The following DLGAP2 variants were observed in gnomAD, a reference collection of about 807,000 sequenced individuals.
The protein encoded by DLGAP2 is DLG associated protein 2, also known as disks large-associated protein 2.
A neutral mutation model predicts 100.3 loss-of-function variants in DLGAP2; 26 were observed. The ratio of observed to expected loss-of-function variants is 0.26; its 90% CI spans 0.19 to 0.36. The LOEUF (loss-of-function observed/expected upper bound fraction) is 0.36, where lower values mean the gene tolerates loss of function less well. Among genes scored for constraint, DLGAP2 ranks in the 10% least tolerant of loss-of-function variants. DLGAP2 has a pLI of 1.00. For missense variants in DLGAP2, 1,858 were observed against 1,453.2 expected (o/e 1.28, Z -4.53); for synonymous variants, 886 against 630.1 (o/e 1.41, Z -6.08).
In DLGAP2 at chr8:837,724, A is replaced by G. The variant is rs1345248756; in HGVS notation, c.19-70188A>G. Among the ~76,000 whole-genome samples the G allele has an allele frequency of 4.0e-5, 6 of 148,302 alleles. No homozygotes were observed. The South Asian group carries it at 1.3e-3, about 31-fold the overall frequency. ...ATATATAAATATATATAAAATATAT[A>G]ATTTTTTTTTTAGACGGAGTCTCAC... On this transcript the variant is annotated intron_variant, in intron 1 of 14. Coordinates refer to ENST00000637795, the MANE Select transcript of DLGAP2 (RefSeq NM_001346810.2).
At chr8:1,678,116 T>C in intron 11 of DLGAP2, 98 bp from the exon 12 acceptor site, 1 of 1,389,794 alleles carries the variant, frequency 7.2e-7, no homozygotes, top group Non-Finnish European at 9.7e-7. Flanking sequence ...GCCAGGCTGT[T>C]GAGCTCAGGT....
intron 2 of DLGAP2, among the ~76,000 whole-genome samples, chr8:919,267 C>G (rs775269623): frequency 3.9e-5 from 6 of 152,194 alleles, no homozygotes; most frequent in Non-Finnish European, 7.3e-5. Context: ...GAAGGAAAAA[C>G]AGCCGTCCTG....
At chr8:1,678,158 T>C (rs1798852755) in intron 11 of DLGAP2, 56 bp from the exon 12 acceptor site, 12 of 1,549,148 alleles carry the variant, frequency 7.7e-6, no homozygotes, top group Non-Finnish European at 1.0e-5. Context: ...TAGGACTTTG[T>C]TGCATGAAGT....
chr8:787,027 G>A (rs974614746), intron 1 of DLGAP2, among the ~76,000 whole-genome samples: 4 of 152,074 alleles, frequency 2.6e-5, no homozygotes, highest in Admixed American at 6.5e-5. Context: ...TTTTCTTTTG[G>A]CTTTCCTTTC....
At chr8:1,616,647 T>C (rs1797163615) in intron 6 of DLGAP2, among the ~76,000 whole-genome samples, 3 of 152,216 alleles carry the variant, frequency 2.0e-5, no homozygotes, top group Non-Finnish European at 4.4e-5. Context: ...CAAAAATATC[T>C]TTTAAAAAAT....
chr8:914,392 A>G (rs1798548566), intron 2 of DLGAP2, among the ~76,000 whole-genome samples: 1 of 152,240 alleles, frequency 6.6e-6, no homozygotes, highest in African/African-American at 2.4e-5. Flanking sequence ...ACTTCATTTC[A>G]TAATCTGGAA....
intron 3 of DLGAP2, among the ~76,000 whole-genome samples, chr8:1,413,257 T>C (rs1480171827): frequency 3.9e-5 from 6 of 152,022 alleles, no homozygotes; most frequent in African/African-American, 1.5e-4. Context: ...ATTTTTAAAG[T>C]AAATAAAGGA....
At chr8:1,049,748 GAC>G (rs200883177) in intron 2 of DLGAP2, among the ~76,000 whole-genome samples, 2 of 151,952 alleles carry the variant, frequency 1.3e-5, no homozygotes, top group East Asian at 1.9e-4. Flanking sequence ...CATGAACAGA[GAC>G]ACACAGACGG....
intron 4 of DLGAP2, among the ~76,000 whole-genome samples, chr8:1,522,500 C>T (rs937108771): frequency 6.6e-6 from 1 of 152,190 alleles, no homozygotes; most frequent in African/African-American, 2.4e-5. Context: ...GGTGCTGGGT[C>T]ATCACCATGC....
chr8:1,274,180 A>G (rs1051444826), intron 3 of DLGAP2, among the ~76,000 whole-genome samples: 1 of 151,824 alleles, frequency 6.6e-6, no homozygotes, highest in African/African-American at 2.4e-5. Context: ...ATTTTAAAAT[A>G]AATTATGTAT....
intron 3 of DLGAP2, among the ~76,000 whole-genome samples, chr8:1,425,626 G>T (rs965467279): frequency 6.6e-6 from 1 of 152,180 alleles, no homozygotes; most frequent in Non-Finnish European, 1.5e-5. Flanking sequence ...GATCCACATG[G>T]TCTTCCACAA....
At chr8:1,229,466 C>T (rs983314597) in intron 2 of DLGAP2, among the ~76,000 whole-genome samples, 24 of 151,968 alleles carry the variant, frequency 1.6e-4, no homozygotes, top group Non-Finnish European at 1.5e-5. Flanking sequence ...TTATGTATTT[C>T]CAGGGATTTA....
chr8:1,216,611 C>T (rs537123946), intron 2 of DLGAP2, among the ~76,000 whole-genome samples: 2 of 152,206 alleles, frequency 1.3e-5, no homozygotes, highest in Non-Finnish European at 2.9e-5. Flanking sequence ...GCTGAGATTA[C>T]AGGCATGAGC....
intron 2 of DLGAP2, among the ~76,000 whole-genome samples, chr8:1,121,101 T>C (rs945698922): frequency 1.3e-5 from 2 of 151,448 alleles, no homozygotes; most frequent in African/African-American, 4.9e-5. Flanking sequence ...CCCATCCTCA[T>C]TCCTTCAGAC....
At chr8:1,061,402 C>T (rs539989979) in intron 2 of DLGAP2, among the ~76,000 whole-genome samples, 6 of 152,140 alleles carry the variant, frequency 3.9e-5, no homozygotes, top group Admixed American at 6.5e-5. Context: ...CCCAGCTCAT[C>T]GGCTCATCCA....
chr8:1,695,936 G>C (rs1021160766), intron 13 of DLGAP2, among the ~76,000 whole-genome samples: 6 of 152,238 alleles, frequency 3.9e-5, no homozygotes, highest in Non-Finnish European at 7.3e-5. Flanking sequence ...AAGTGCCTGG[G>C]GGGGCTTTGA....
intron 2 of DLGAP2, 35 bp from the exon 3 acceptor site, chr8:1,258,816 T>C (rs1031296135): frequency 2.4e-6 from 3 of 1,231,400 alleles, no homozygotes; most frequent in Admixed American, 8.4e-5. Flanking sequence ...TGAGACCCTG[T>C]GGGTGTAACA....
At chr8:1,633,271 T>A in intron 8 of DLGAP2, among the ~76,000 whole-genome samples, 1 of 152,140 alleles carries the variant, frequency 6.6e-6, no homozygotes, top group East Asian at 1.9e-4. Context: ...TTAGCAAGTT[T>A]CCTTAAAATA....
rs1282265490 is a variant in DLGAP2, at chr8:997,225, A to T, written c.73+89259A>T. ...ATGCTTTGGGAACTTAAATTTTCAG[A>T]CTGAAATATTAACCCCTACTGATTT... On this transcript the variant is annotated intron_variant, in intron 2 of 14. Coordinates refer to ENST00000637795, the MANE Select transcript of DLGAP2 (RefSeq NM_001346810.2). Among the ~76,000 whole-genome samples, 4 of 152,240 alleles carry T rather than the reference A, an allele frequency of 2.6e-5. No individual in the cohort carries two copies. In the East Asian group the frequency reaches 7.7e-4, roughly 29 times the overall value.
Sources: gnomAD v4.1 joint callset for allele counts (sites outside exome capture counted in the v4.1 genomes callset) on GRCh38, gnomAD v4.1.1 for gene constraint, MANE v1.5 for transcripts, NCBI Gene and HGNC (gene_info 2026-07-23, HGNC 2026-07-21) for gene names.